Variants in PPFIBP2 observed in about 807,000 individuals in gnomAD.
The protein encoded by PPFIBP2 is PPFIB scaffold protein 2, also known as liprin-beta-2.
Under a neutral mutation model 118.3 loss-of-function variants are expected in PPFIBP2, and 118 were observed. That is an observed-to-expected ratio of 1.00 (90% CI 0.86 to 1.16). The LOEUF (loss-of-function observed/expected upper bound fraction) is 1.16. Among genes scored for constraint, PPFIBP2 ranks in the 50% most tolerant of loss-of-function variants. The pLI is 0.00. For synonymous variants in PPFIBP2, 414 were observed against 397.4 expected (o/e 1.04, Z -0.50); for missense variants, 1,195 against 1,073.1 (o/e 1.11, Z -1.59).
At chr11:7,552,421 A>G (rs1467601065) in intron 2 of PPFIBP2, among the ~76,000 whole-genome samples, 1 of 152,106 alleles carries the variant, frequency 6.6e-6, no homozygotes, top group Non-Finnish European at 1.5e-5. Context: ...TATTTCTCCC[A>G]TCTGAGTTTT....
At chr11:7,590,803 A>G (rs1006598943) in intron 3 of PPFIBP2, among the ~76,000 whole-genome samples, 4 of 152,208 alleles carry the variant, frequency 2.6e-5, no homozygotes, top group African/African-American at 9.6e-5. Context: ...AGAACATCAC[A>G]CAAAAGTAAT....
chr11:7,542,286 C>G (rs1185308611), intron 1 of PPFIBP2, among the ~76,000 whole-genome samples: 1 of 152,234 alleles, frequency 6.6e-6, no homozygotes, highest in African/African-American at 2.4e-5. Flanking sequence ...TAGCAAATAG[C>G]TAACAGTTAT....
intron 15 of PPFIBP2, 124 bp downstream of exon 15, chr11:7,639,994 G>C: frequency 1.4e-6 from 2 of 1,381,130 alleles, no homozygotes; most frequent in Non-Finnish European, 1.9e-6. Flanking sequence ...TGGGTGGCTG[G>C]AACAAGTTGT....
intron 1 of PPFIBP2, among the ~76,000 whole-genome samples, chr11:7,542,634 A>G (rs889108895): frequency 6.6e-6 from 1 of 152,224 alleles, no homozygotes; most frequent in African/African-American, 2.4e-5. Flanking sequence ...TGAATTAAAC[A>G]AAGTCTTCAC....
chr11:7,621,200 T>C (rs12272404), intron 7 of PPFIBP2, among the ~76,000 whole-genome samples, 173 bp downstream of exon 7: 16,723 of 152,146 alleles, frequency 0.11, 1,026 homozygotes, highest in African/African-American at 0.17. Context: ...CCAGGAAAGA[T>C]CCTCATGGAG....
At chr11:7,598,509 A>G (rs893937790) in intron 5 of PPFIBP2, 1 of 156,562 alleles carries the variant, frequency 6.4e-6, no homozygotes, top group Non-Finnish European at 1.4e-5. Flanking sequence ...TTTAAATGAA[A>G]TGTATTAATA....
At chr11:7,542,194 A>C (rs984064510) in intron 1 of PPFIBP2, among the ~76,000 whole-genome samples, 4 of 152,230 alleles carry the variant, frequency 2.6e-5, no homozygotes, top group African/African-American at 9.7e-5. Context: ...CAAATTGCCT[A>C]ATCTGTTTTC....
At chr11:7,547,091 G>T (rs184334119) in intron 1 of PPFIBP2, among the ~76,000 whole-genome samples, 79 of 152,344 alleles carry the variant, frequency 5.2e-4, no homozygotes, top group African/African-American at 1.9e-3. Flanking sequence ...AAGGTGGCCA[G>T]TTAGCAAGGA....
chr11:7,539,865 T>C (rs1851593836), intron 1 of PPFIBP2, among the ~76,000 whole-genome samples: 1 of 152,228 alleles, frequency 6.6e-6, no homozygotes, highest in Non-Finnish European at 1.5e-5. Flanking sequence ...GCTTGGCTGT[T>C]GCTCAGGGCA....
chr11:7,665,967 G>T, the PPFIBP2 span: 2 of 1,511,056 alleles, frequency 1.3e-6, no homozygotes, highest in Non-Finnish European at 1.8e-6. Context: ...ACAGCCGGGA[G>T]CAGTGTGAGA....
chr11:7,630,824 CCTT>C (rs1329509697), intron 10 of PPFIBP2, 98 bp from the exon 11 acceptor site: 1 of 855,670 alleles, frequency 1.2e-6, no homozygotes, highest in East Asian at 2.4e-5. Flanking sequence ...ATTTCTTAGT[CCTT>C]CTTAATGAAG....
chr11:7,636,943 A>T (rs1170794269), intron 14 of PPFIBP2, among the ~76,000 whole-genome samples: 1 of 152,166 alleles, frequency 6.6e-6, no homozygotes, highest in Non-Finnish European at 1.5e-5. Flanking sequence ...CCCTTGCTTA[A>T]ACTGGCTCTT....
chr11:7,632,926 G>C lies in PPFIBP2; in HGVS notation c.1128G>C (p.Leu376=), dbSNP rs765363164. The change falls in exon 12 of 24, where the codon CTG becomes CTC. Residue 376 remains leucine, a synonymous_variant. Coordinates refer to ENST00000299492, the MANE Select transcript of PPFIBP2 (RefSeq NM_003621.5). ...VGPPPLPQKS[L]ETRAQKKLSC... is the part of the protein sequence containing the mutation. ...CACCTCCATTGCCACAGAAATCACT[G>C]GAAACCAGGTAAGAGGCCTGGGCAT... The C allele has an allele frequency of 1.9e-6, 3 of 1,613,600 alleles. No individual in the cohort carries two copies. The highest frequency in any genetic ancestry group is 1.7e-5 in the Admixed American group (1 of 60,006).
intron 1 of PPFIBP2, among the ~76,000 whole-genome samples, chr11:7,522,930 C>G (rs1452298281): frequency 6.6e-6 from 1 of 152,186 alleles, no homozygotes; most frequent in African/African-American, 2.4e-5. Flanking sequence ...AAGGCCCAAA[C>G]ACCTCCTCTA....
At chr11:7,606,524 T>C (rs1412435202) in intron 5 of PPFIBP2, among the ~76,000 whole-genome samples, 1 of 152,208 alleles carries the variant, frequency 6.6e-6, no homozygotes, top group Non-Finnish European at 1.5e-5. Flanking sequence ...TGCTAATAGA[T>C]ATAAGCTAGA....
chr11:7,654,081 C>G (rs1015196890), downstream of PPFIBP2, among the ~76,000 whole-genome samples: 5 of 152,204 alleles, frequency 3.3e-5, no homozygotes, highest in African/African-American at 1.2e-4. Context: ...ATGAGCCCCC[C>G]CAGTGAAGGG....
chr11:7,572,623 C>T (rs1466764782), intron 3 of PPFIBP2, among the ~76,000 whole-genome samples: 1 of 152,198 alleles, frequency 6.6e-6, no homozygotes, highest in Non-Finnish European at 1.5e-5. Context: ...CACCCACTTA[C>T]CCTCCACCTA....
At chr11:7,568,265 A>G (rs1306664204) in intron 3 of PPFIBP2, among the ~76,000 whole-genome samples, 2 of 152,224 alleles carry the variant, frequency 1.3e-5, no homozygotes, top group African/African-American at 4.8e-5. Context: ...CCAGGGTTAA[A>G]TAAGTGGCTC....
At chr11:7,593,375 A>T in intron 4 of PPFIBP2, 151 bp downstream of exon 4, 1 of 1,222,562 alleles carries the variant, frequency 8.2e-7, no homozygotes, top group Non-Finnish European at 1.1e-6. Context: ...CTGAAATAAA[A>T]CATTAAGTAA....
Sources: allele counts gnomAD v4.1 joint callset (sites outside exome capture counted in the v4.1 genomes callset), GRCh38; gene constraint gnomAD v4.1.1; transcripts MANE v1.5; gene names NCBI Gene and HGNC (gene_info 2026-07-23, HGNC 2026-07-21).